Variants in EMILIN1 observed in about 807,000 individuals in gnomAD.
The protein encoded by EMILIN1 is EMILIN-1.
In EMILIN1, 49 loss-of-function variants were observed where a neutral mutation model predicts 82.4. That is an observed-to-expected ratio of 0.59 (90% CI 0.47 to 0.75). The LOEUF (loss-of-function observed/expected upper bound fraction) is 0.75. Among genes scored for constraint, EMILIN1 ranks in the 30% least tolerant of loss-of-function variants. The pLI is 0.00. For synonymous variants in EMILIN1, 604 were observed against 602.2 expected (o/e 1.00, Z -0.04); for missense variants, 1,313 against 1,366.4 (o/e 0.96, Z 0.62).
At position 27,086,163 on chromosome 2, in the gene EMILIN1, C is replaced by A; in HGVS notation, c.*148C>A. ...GCACCGCGCCCAGAGCGGCCTCTCCCCACGCCCGGGGCGCGCCGGCTCAGG... is the reference window on the plus strand; with the variant it reads ...GCACCGCGCCCAGAGCGGCCTCTCCACACGCCCGGGGCGCGCCGGCTCAGG... On this transcript the variant is annotated 3_prime_UTR_variant, in exon 8 of 8. Coordinates refer to ENST00000380320, the MANE Select transcript of EMILIN1 (RefSeq NM_007046.4). The A allele has an allele frequency of 1.9e-6, 1 of 530,198 alleles. No individual in the cohort carries two copies. The highest frequency in any genetic ancestry group is 2.9e-6 in the Non-Finnish European group (1 of 343,268). 32.8% of individuals were successfully genotyped at this position (530,198 alleles called of 1,614,324 possible). A position where few individuals can be genotyped will look rare whatever the true frequency, so the allele number is the denominator to read the frequency against.
Position 27,082,981 on chromosome 2 carries a change from G to C in EMILIN1, c.1410G>C (p.Gln470His). The C allele has an allele frequency of 6.3e-7, 1 of 1,577,984 alleles. No homozygotes were observed. The highest frequency in any genetic ancestry group is 8.6e-7 in the Non-Finnish European group (1 of 1,161,934). The change falls in exon 4 of 8, where the codon CAG (glutamine) becomes CAC (histidine). Residue 470 changes from glutamine to histidine, a missense_variant. Coordinates refer to ENST00000380320, the MANE Select transcript of EMILIN1 (RefSeq NM_007046.4). ...LGGRLDLLEE[Q>H]VAGAMQACGQ... ...GGCGGTTGGATCTGTTGGAGGAGCA[G>C]GTGGCAGGGGCCATGCAGGCATGCG...
intron 5 of EMILIN1, among the ~76,000 whole-genome samples, 198 bp from the exon 6 acceptor site, chr2:27,084,793 G>C (rs1054274920): frequency 1.3e-5 from 2 of 152,210 alleles, no homozygotes; most frequent in African/African-American, 4.8e-5. Context: ...TATTATAGCT[G>C]TCTGGGGTGT....
intron 7 of EMILIN1, 139 bp from the exon 8 acceptor site, chr2:27,085,539 T>G: frequency 1.1e-6 from 1 of 926,404 alleles, no homozygotes; most frequent in Non-Finnish European, 1.6e-6. Flanking sequence ...TGGGAATGCA[T>G]AGTGAACAAA....
chr2:27,084,074 CA>C, intron 4 of EMILIN1, 63 bp downstream of exon 4: 2 of 1,413,544 alleles, frequency 1.4e-6, no homozygotes, highest in South Asian at 1.6e-5. Flanking sequence ...CTCCCTCCCC[CA>C]GCCCAGCTTC....
In EMILIN1 at chr2:27,083,495, GCCCTGCAAGGAGAGCTCTCTGA is replaced by G. The variant is rs1313873971; in HGVS notation, c.1925_1946del (p.Ala642GlyfsTer13). The G allele has an allele frequency of 6.2e-7, 1 of 1,613,592 alleles. No homozygotes were observed. The highest frequency in any genetic ancestry group is 2.2e-5 in the East Asian group (1 of 44,890). On this transcript the variant is annotated frameshift_variant, in exon 4 of 8. Coordinates refer to ENST00000380320, the MANE Select transcript of EMILIN1 (RefSeq NM_007046.4). LOFTEE classifies it high-confidence loss of function. Reference sequence around the variant, plus strand: ...GGGCAGCTCAGGCTCAGCCCTGCAGGCCCTGCAAGGAGAGCTCTCTGAGGTTATTCTCAGCTTCAGCTCCCTC... The same window carrying G: ...GGGCAGCTCAGGCTCAGCCCTGCAGGGGTTATTCTCAGCTTCAGCTCCCTC...
rs576948616 is a variant in EMILIN1 at position 27,080,269 on chromosome 2, A to G, written c.289A>G (p.Met97Val). Residue 97 changes from methionine to valine, a missense_variant and splice_region_variant, in exon 2 of 8, where the codon ATG becomes GTG. Physicochemically the swap from Met to Val is conservative, Grantham distance 21. Coordinates refer to ENST00000380320, the MANE Select transcript of EMILIN1 (RefSeq NM_007046.4). ...WGQPQCPQSI[M>V]YRRFLRPRYR... ...CCAGCCCCAGTGTCCCCAAAGCATC[A>G]TGTGAGTCCCAGGGCCGGGCAACGG... 8 of 1,613,688 alleles carry G rather than the reference A, an allele frequency of 5.0e-6. No homozygotes were observed. The highest frequency in any genetic ancestry group is 1.6e-4 in the Middle Eastern group (1 of 6,082).
chr2:27,078,994 T>C lies in EMILIN1; in HGVS notation c.-72T>C. On this transcript the variant is annotated 5_prime_UTR_variant, in exon 1 of 8. Transcript: ENST00000380320. Reference sequence around the variant, plus strand: ...CGGGCTGTCCTGTGGAGCAGCAGCATCCCCGGGGCCGGCAGAGGCGCCAGT... The same window carrying C: ...CGGGCTGTCCTGTGGAGCAGCAGCACCCCCGGGGCCGGCAGAGGCGCCAGT... The C allele has an allele frequency of 8.1e-7, 1 of 1,234,546 alleles. No homozygotes were observed. The highest frequency in any genetic ancestry group is 2.9e-5 in the East Asian group (1 of 34,356). 76.5% of individuals were successfully genotyped at this position (1,234,546 alleles called of 1,614,324 possible).
chr2:27,082,121 C>T lies in EMILIN1; in HGVS notation c.550C>T (p.Gln184Ter). ...ESEKVQQLEEQVQSLTKELQG... is the reference protein window; with the variant it reads ...ESEKVQQLEE ...AGAGAAGGTGCAGCAGCTGGAGGAA[C>T]AGGTGCAGAGCCTGACCAAGGAGCT... Residue 184 changes from glutamine to a stop codon, truncating the protein, a stop_gained, in exon 4 of 8, where the codon CAG becomes TAG. Coordinates refer to ENST00000380320, the MANE Select transcript of EMILIN1 (RefSeq NM_007046.4). LOFTEE classifies it high-confidence loss of function. 1 of 1,613,562 alleles carries T rather than the reference C, an allele frequency of 6.2e-7. No individual in the cohort carries two copies. The highest frequency in any genetic ancestry group is 8.5e-7 in the Non-Finnish European group (1 of 1,179,914).
intron 3 of EMILIN1, among the ~76,000 whole-genome samples, chr2:27,081,501 A>C (rs752456013): frequency 1.4e-4 from 22 of 152,034 alleles, no homozygotes; most frequent in Admixed American, 5.9e-4. Flanking sequence ...ATAATTATGC[A>C]AACAGGAACT....
intron 4 of EMILIN1, 107 bp downstream of exon 4, chr2:27,084,118 C>T (rs1397125747): frequency 1.2e-4 from 145 of 1,225,976 alleles, no homozygotes; most frequent in Non-Finnish European, 3.3e-6. Context: ...CTTTTCCCAA[C>T]ATGAATTGCA....
At chr2:27,079,374 T>G in intron 1 of EMILIN1, 139 bp downstream of exon 1, 1 of 717,898 alleles carries the variant, frequency 1.4e-6, no homozygotes, top group Non-Finnish European at 2.2e-6. Context: ...GCTCCTCACA[T>G]GCCCACCTTC....
In EMILIN1 at chr2:27,079,205, A is replaced by G; in HGVS notation, c.140A>G (p.Gln47Arg). ...GALSPGGPQAQIAPRPASRHR... is the reference protein window; with the variant it reads ...GALSPGGPQARIAPRPASRHR... Reference sequence around the variant, plus strand: ...CTCAGCCCCGGGGGGCCCCAGGCCCAGATTGCCCCCCGGCCAGCCAGCCGC... The same window carrying G: ...CTCAGCCCCGGGGGGCCCCAGGCCCGGATTGCCCCCCGGCCAGCCAGCCGC... Residue 47 changes from glutamine (Q) to arginine (R), a missense_variant, in exon 1 of 8, where the codon CAG (glutamine) becomes CGG (arginine). Physicochemically the swap from Gln to Arg is conservative, Grantham distance 43 (BLOSUM62 1). Coordinates refer to ENST00000380320, the MANE Select transcript of EMILIN1 (RefSeq NM_007046.4). The G allele has an allele frequency of 6.3e-7, 1 of 1,578,756 alleles. No individual in the cohort carries two copies. Among genetic ancestry groups the G allele is most frequent in the Non-Finnish European group, 8.6e-7 (1 of 1,168,056 alleles).
intron 3 of EMILIN1, among the ~76,000 whole-genome samples, chr2:27,081,646 C>T (rs919758887): frequency 3.0e-4 from 46 of 152,198 alleles, no homozygotes; most frequent in Non-Finnish European, 1.5e-4. Flanking sequence ...TCTTGACAGC[C>T]CCATGACAGA....
chr2:27,084,156 G>C (rs1669547809), intron 4 of EMILIN1, 145 bp downstream of exon 4: 1 of 1,014,660 alleles, frequency 9.9e-7, no homozygotes, highest in Non-Finnish European at 1.4e-6. Context: ...AGGTGTTATA[G>C]TTTGCCTGCA....
chr2:27,083,826 C>G lies in EMILIN1; in HGVS notation c.2255C>G (p.Ser752Cys). ...GGLQGLREGL[S>C]RHVAGLWAGL... ...CTGCAGGGCCTGCGCGAGGGCCTTT[C>G]CAGACACGTGGCTGGGCTCTGGGCT... Residue 752 changes from serine to cysteine, a missense_variant, in exon 4 of 8, where the codon TCC (serine) becomes TGC (cysteine). Transcript: ENST00000380320. 1 of 1,598,444 alleles carries G rather than the reference C, an allele frequency of 6.3e-7. No individual in the cohort carries two copies. Among genetic ancestry groups the G allele is most frequent in the Non-Finnish European group, 8.6e-7 (1 of 1,168,128 alleles).
rs1391152319 is a variant in EMILIN1, at chr2:27,082,873, G to A, written c.1302G>A (p.Gly434=). 9.4e-6 allele frequency: 15 copies of A among 1,591,562 alleles called. No individual in the cohort carries two copies. The highest frequency in any genetic ancestry group is 1.3e-5 in the African/African-American group (1 of 74,894). The change falls in exon 4 of 8, where the codon GGG becomes GGA. Residue 434 remains glycine, a synonymous_variant. Coordinates refer to ENST00000380320, the MANE Select transcript of EMILIN1 (RefSeq NM_007046.4). ...QEESWPGAPG[G]LSHWLPAARG... ...AGAGCTGGCCTGGGGCTCCTGGGGG[G>A]CTGAGCCACTGGCTGCCTGCTGCCC...
At position 27,078,848 on chromosome 2, in the gene EMILIN1, G is replaced by A. The variant is rs768367980; in HGVS notation, c.-218G>A. ...AGTGAAGAGGAGAGCGGAAGGAACC[G>A]AGAGGGGACGGACAGGAGCTGAGGA... On this transcript the variant is annotated 5_prime_UTR_variant, in exon 1 of 8. Transcript: ENST00000380320. 20 of 478,616 alleles carry A rather than the reference G, an allele frequency of 4.2e-5. No individual in the cohort carries two copies. Among genetic ancestry groups the A allele is most frequent in the African/African-American group, 8.2e-5 (4 of 48,950 alleles). 29.6% of individuals were successfully genotyped at this position (478,616 alleles called of 1,614,324 possible). A position where few individuals can be genotyped will look rare whatever the true frequency, so the allele number is the denominator to read the frequency against.
chr2:27,085,793 A>G lies in EMILIN1; in HGVS notation c.2829A>G (p.Val943=). Residue 943 remains valine, a synonymous_variant, in exon 8 of 8, where the codon GTA becomes GTG. Coordinates refer to ENST00000380320, the MANE Select transcript of EMILIN1 (RefSeq NM_007046.4). ...LSRSNQGVAR[V]DSGGYEPEGL... ...GCTCCAACCAGGGCGTGGCCCGCGTAGACTCCGGTGGCTACGAGCCTGAGG... is the reference window on the plus strand; with the variant it reads ...GCTCCAACCAGGGCGTGGCCCGCGTGGACTCCGGTGGCTACGAGCCTGAGG... 1 of 1,612,660 alleles carries G rather than the reference A, an allele frequency of 6.2e-7. No individual in the cohort carries two copies. Among genetic ancestry groups the G allele is most frequent in the East Asian group, 2.2e-5 (1 of 44,868 alleles).
chr2:27,083,702 G>A lies in EMILIN1; in HGVS notation c.2131G>A (p.Glu711Lys), dbSNP rs1175964199. 6.2e-7 allele frequency: 1 copy of A among 1,614,054 alleles called. No homozygotes were observed. The highest frequency in any genetic ancestry group is 8.5e-7 in the Non-Finnish European group (1 of 1,179,902). The change falls in exon 4 of 8, where the codon GAG (glutamate) becomes AAG (lysine). Residue 711 changes from glutamate (E) to lysine (K), a missense_variant. Physicochemically the swap from Glu to Lys is moderately conservative, Grantham distance 56. Transcript: ENST00000380320. ...GAGTGAAGAGCGCTTCCGAGGCCTA[G>A]AGGAGGGACAAGCACAGGCCGGCCA... is the stretch of plus-strand genomic sequence containing the variant. ...TESEERFRGL[E>K]EGQAQAGQCP...
Sources: allele counts gnomAD v4.1 joint callset (sites outside exome capture counted in the v4.1 genomes callset), GRCh38; gene constraint gnomAD v4.1.1; transcripts MANE v1.5; gene names NCBI Gene and HGNC (gene_info 2026-07-23, HGNC 2026-07-21).